AGTPBP1: variants seen among roughly 807,000 people sequenced by gnomAD.
The protein encoded by AGTPBP1 is ATP/GTP binding carboxypeptidase 1.
Under a neutral mutation model 143.9 loss-of-function variants are expected in AGTPBP1, and 70 were observed. The ratio of observed to expected loss-of-function variants is 0.49; its 90% CI spans 0.40 to 0.59. The LOEUF is 0.59. Among genes scored for constraint, AGTPBP1 ranks in the 20% least tolerant of loss-of-function variants. The pLI is 0.00. For synonymous variants in AGTPBP1, 463 were observed against 500.2 expected (o/e 0.93, Z 0.99); for missense variants, 1,229 against 1,464.5 (o/e 0.84, Z 2.62).
chr9:85,706,498 G>GAGCAA, intron 2 of AGTPBP1, among the ~76,000 whole-genome samples: 2 of 142,834 alleles, frequency 1.4e-5, no homozygotes, highest in Non-Finnish European at 3.1e-5. Context: ...CCACATGGTG[G>GAGCAA]GACTCTGTCT....
the AGTPBP1 span, among the ~76,000 whole-genome samples, chr9:85,763,976 A>G: frequency 1.3e-5 from 2 of 152,202 alleles, no homozygotes; most frequent in Non-Finnish European, 2.9e-5. Flanking sequence ...TTCTGATCAG[A>G]ATGAAATACG....
the AGTPBP1 span, among the ~76,000 whole-genome samples, chr9:85,755,780 A>G: frequency 2.6e-5 from 4 of 152,210 alleles, no homozygotes; most frequent in African/African-American, 9.6e-5. Context: ...ATACTCCAGC[A>G]TGTTCTTAAT....
intron 12 of AGTPBP1, among the ~76,000 whole-genome samples, chr9:85,643,546 G>C (rs565626154): frequency 3.1e-4 from 47 of 152,224 alleles, no homozygotes; most frequent in African/African-American, 1.1e-3. Flanking sequence ...CACAATCTTA[G>C]AGTGCATGGG....
chr9:85,691,722 A>G lies in AGTPBP1; in HGVS notation c.157+967T>C, dbSNP rs191315130. ...AATGTGTTCTTTAACAATGATATTC[A>G]TATTTCCACGTACAGACTTAATTCC... On this transcript the variant is annotated intron_variant, in intron 3 of 25. Transcript: ENST00000357081. Among the ~76,000 whole-genome samples the G allele has an allele frequency of 1.4e-3, 213 of 152,238 alleles. 2 individuals carry two copies. The highest frequency in any genetic ancestry group is 4.8e-3 in the African/African-American group (200 of 41,554).
At position 85,712,393 on chromosome 9, in the gene AGTPBP1, CAT is replaced by C. The variant is rs1338630341; in HGVS notation, c.32+107_32+108del. 1.4e-5 allele frequency: 7 copies of C among 504,180 alleles called. No individual in the cohort carries two copies. The East Asian group carries it at 1.4e-4, about 10-fold the overall frequency. The allele number at this position is 504,180 out of a possible 1,614,324, so 31.2% of individuals were successfully genotyped here. The stretch of plus-strand genomic sequence containing the variant: ...AACATTTTTAATTACATAAATATAA[CAT>C]ATTATACTTAAACACAAATAATACT... On this transcript the variant is annotated intron_variant, in intron 2 of 25. Coordinates refer to ENST00000357081, the MANE Select transcript of AGTPBP1 (RefSeq NM_001330701.2).
At position 85,572,002 on chromosome 9, in the gene AGTPBP1, GTGTTTTTTTTTTTTTTTTTTTTTTT is replaced by G. The variant is rs1470824589; in HGVS notation, c.3503+3288_3503+3312del. 2.8e-4 allele frequency among the ~76,000 whole-genome samples: 24 copies of G among 85,288 alleles called. 1 individual carries two copies. Among genetic ancestry groups the G allele is most frequent in the African/African-American group, 6.6e-4 (18 of 27,422 alleles). 56.0% of individuals were successfully genotyped at this position (85,288 alleles called of 152,430 possible). On this transcript the variant is annotated intron_variant, in intron 25 of 25. Coordinates refer to ENST00000357081, the MANE Select transcript of AGTPBP1 (RefSeq NM_001330701.2). ...ATTGGCCATTATTAGTTGTTTGTGT[GTGTTTTTTTTTTTTTTTTTTTTTTT>G]TTTTTTTTTTTTTTTTTGAGGCACA...
chr9:85,740,908 T>A (rs1824213945), intron 1 of AGTPBP1, among the ~76,000 whole-genome samples: 1 of 152,118 alleles, frequency 6.6e-6, no homozygotes, highest in African/African-American at 2.4e-5. Context: ...TTATCAACAT[T>A]CACATCGATT....
chr9:85,759,685 A>G, the AGTPBP1 span, among the ~76,000 whole-genome samples: 47 of 152,132 alleles, frequency 3.1e-4, no homozygotes, highest in Admixed American at 1.2e-3. Context: ...ATCTAAAATT[A>G]ACAGCCTAAC....
intron 18 of AGTPBP1, among the ~76,000 whole-genome samples, chr9:85,593,063 G>C (rs1410438920): frequency 6.6e-6 from 1 of 152,124 alleles, no homozygotes; most frequent in Admixed American, 6.5e-5. Flanking sequence ...CCTTTACGTG[G>C]ATGGATCAGG....
chr9:85,804,225 T>C, the AGTPBP1 span, among the ~76,000 whole-genome samples: 2 of 152,302 alleles, frequency 1.3e-5, no homozygotes, highest in South Asian at 4.1e-4. Flanking sequence ...TTAGGCCCCA[T>C]ACTCCTTTGT....
chr9:85,757,127 C>T, the AGTPBP1 span, among the ~76,000 whole-genome samples: 2,332 of 152,160 alleles, frequency 0.015, 58 homozygotes, highest in African/African-American at 0.053. Flanking sequence ...AGTGCAGTGG[C>T]GCGATCTGTG....
At position 85,642,856 on chromosome 9, in the gene AGTPBP1, G is replaced by A. The variant is rs1229339798; in HGVS notation, c.1273C>T (p.Leu425Phe). Residue 425 changes from leucine to phenylalanine, a missense_variant, in exon 13 of 26, where the codon CTT becomes TTT. By Grantham distance (22) the Leu-to-Phe change is conservative (BLOSUM62 0). Coordinates refer to ENST00000357081, the MANE Select transcript of AGTPBP1 (RefSeq NM_001330701.2). ...TIEDLKMYEH[L>F]FPELVDDFQD... is the part of the protein sequence containing the mutation. ...AAATCATCAACAAGCTCAGGGAAAA[G>A]GTGTTCATACATTTTTAGATCTTCT... 8 of 1,612,084 alleles carry A rather than the reference G, an allele frequency of 5.0e-6. No individual in the cohort carries two copies. Among genetic ancestry groups the A allele is most frequent in the Non-Finnish European group, 5.9e-6 (7 of 1,179,390 alleles).
upstream of AGTPBP1, among the ~76,000 whole-genome samples, chr9:85,743,642 CA>C (rs1824518115): frequency 6.6e-6 from 1 of 152,140 alleles, no homozygotes; most frequent in Admixed American, 6.5e-5. Flanking sequence ...CATATAAACT[CA>C]AGAATTTGCA....
At chr9:85,671,614 T>A (rs893674086) in intron 7 of AGTPBP1, among the ~76,000 whole-genome samples, 1 of 152,212 alleles carries the variant, frequency 6.6e-6, no homozygotes, top group Non-Finnish European at 1.5e-5. Flanking sequence ...AATGATATTC[T>A]GCAATAACAT....
intron 3 of AGTPBP1, among the ~76,000 whole-genome samples, chr9:85,686,260 G>T (rs1693388280): frequency 6.6e-6 from 1 of 151,756 alleles, no homozygotes; most frequent in Non-Finnish European, 1.5e-5. Flanking sequence ...TAAAAGAATA[G>T]AAAAGACTAT....
intron 2 of AGTPBP1, among the ~76,000 whole-genome samples, chr9:85,702,002 A>G (rs1219608846): frequency 1.3e-5 from 2 of 152,160 alleles, no homozygotes; most frequent in African/African-American, 4.8e-5. Flanking sequence ...TGCCCCATAT[A>G]ATGTTATCTT....
At chr9:85,753,427 A>G in the AGTPBP1 span, 1 of 1,613,476 alleles carries the variant, frequency 6.2e-7, no homozygotes, top group Non-Finnish European at 8.5e-7. Context: ...CAGGTTTGTC[A>G]ATTCTATTTA....
intron 25 of AGTPBP1, among the ~76,000 whole-genome samples, chr9:85,560,769 A>G (rs1826659653): frequency 6.6e-6 from 1 of 152,178 alleles, no homozygotes; most frequent in Non-Finnish European, 1.5e-5. Context: ...GTTAGAAAAA[A>G]CATCCAGAAG....
chr9:85,758,318 G>T, the AGTPBP1 span, among the ~76,000 whole-genome samples: 119,419 of 152,070 alleles, frequency 0.79, 48,082 homozygotes, highest in African/African-American at 0.95. Context: ...TACAAGTTAT[G>T]AAAAACATGA....
Sources: allele counts gnomAD v4.1 joint callset (sites outside exome capture counted in the v4.1 genomes callset), GRCh38; gene constraint gnomAD v4.1.1; transcripts MANE v1.5; gene names NCBI Gene and HGNC (gene_info 2026-07-23, HGNC 2026-07-21).